Variants in ASTN2 observed in about 807,000 individuals in gnomAD.
ASTN2 encodes astrotactin 2.
A neutral mutation model predicts 139.8 loss-of-function variants in ASTN2; 54 were observed. The observed-to-expected ratio is 0.39, with a 90% CI of 0.31 to 0.48. The LOEUF is 0.48. ASTN2 is among the 20% of genes least tolerant of loss of function. ASTN2 has a pLI of 0.95. For missense variants in ASTN2, 1,565 were observed against 1,725.1 expected, an observed-to-expected ratio of 0.91 and a Z score of 1.64; for synonymous variants, 756 against 719.5, an observed-to-expected ratio of 1.05 and a Z score of -0.81.
intron 1 of ASTN2, among the ~76,000 whole-genome samples, chr9:117,353,014 T>C (rs1327051256): frequency 5.9e-5 from 9 of 152,240 alleles, no homozygotes; most frequent in African/African-American, 2.2e-4. Context: ...GGGAGGTGCA[T>C]GGAATGGGGA....
At chr9:116,854,560 G>A (rs992670395) in intron 11 of ASTN2, among the ~76,000 whole-genome samples, 5 of 152,084 alleles carry the variant, frequency 3.3e-5, no homozygotes, top group Non-Finnish European at 2.9e-5. Flanking sequence ...GGTAGTGGGA[G>A]CAGTGATTTA....
At chr9:117,201,524 T>C (rs1053927110) in intron 3 of ASTN2, among the ~76,000 whole-genome samples, 6 of 152,176 alleles carry the variant, frequency 3.9e-5, no homozygotes, top group Admixed American at 2.6e-4. Context: ...GTCCCAGAGA[T>C]TCTGGTATGT....
At chr9:117,157,808 C>G (rs912837317) in intron 3 of ASTN2, among the ~76,000 whole-genome samples, 2 of 151,904 alleles carry the variant, frequency 1.3e-5, no homozygotes, top group African/African-American at 2.4e-5. Context: ...GCTTAAATGC[C>G]AAGCTACACA....
At chr9:116,502,274 C>A (rs1222112192) in intron 19 of ASTN2, among the ~76,000 whole-genome samples, 1 of 151,210 alleles carries the variant, frequency 6.6e-6, no homozygotes, top group East Asian at 1.9e-4. Flanking sequence ...AAAACAAACA[C>A]AGAGAGGAGA....
At chr9:116,533,267 C>T (rs1851445326) in intron 19 of ASTN2, among the ~76,000 whole-genome samples, 1 of 152,302 alleles carries the variant, frequency 6.6e-6, no homozygotes, top group South Asian at 2.1e-4. Context: ...TGGGCTGAGA[C>T]AATGGGGTTT....
intron 17 of ASTN2, among the ~76,000 whole-genome samples, chr9:116,638,818 T>C (rs1351808571): frequency 6.6e-6 from 1 of 152,140 alleles, no homozygotes; most frequent in East Asian, 1.9e-4. Flanking sequence ...ACCAAAGATA[T>C]AAGACAATCC....
At chr9:117,204,094 G>A (rs1262816313) in intron 3 of ASTN2, among the ~76,000 whole-genome samples, 2 of 152,202 alleles carry the variant, frequency 1.3e-5, no homozygotes, top group Admixed American at 6.5e-5. Context: ...ACCCACTGAG[G>A]AAGGATGGGT....
chr9:116,661,287 ATC>A (rs1366709555), intron 16 of ASTN2, among the ~76,000 whole-genome samples: 13 of 152,288 alleles, frequency 8.5e-5, no homozygotes, highest in East Asian at 1.9e-4. Flanking sequence ...CTCTGGGGAA[ATC>A]TCTGTTCTGA....
intron 10 of ASTN2, among the ~76,000 whole-genome samples, chr9:116,866,035 C>T (rs1296702544): frequency 1.3e-5 from 2 of 152,150 alleles, no homozygotes; most frequent in African/African-American, 2.4e-5. Flanking sequence ...TCTGTTAATT[C>T]CCCCTACTAG....
At chr9:117,250,538 G>A (rs1482923022) in intron 2 of ASTN2, among the ~76,000 whole-genome samples, 1 of 152,070 alleles carries the variant, frequency 6.6e-6, no homozygotes, top group Non-Finnish European at 1.5e-5. Flanking sequence ...ATTTGATCTT[G>A]CCTTCTACCA....
rs1554764210 is a variant in ASTN2, at chr9:116,948,793, T to TTTTG, written c.1889+26414_1889+26415insCAAA. Among the ~76,000 whole-genome samples, 34 of 117,550 alleles carry TTTTG rather than the reference T, an allele frequency of 2.9e-4. 3 individuals are homozygous for TTTTG. Among genetic ancestry groups the TTTTG allele is most frequent in the African/African-American group, 1.2e-3 (33 of 27,970 alleles). The allele number at this position is 117,550 out of a possible 152,430, so 77.1% of individuals were successfully genotyped here. On this transcript the variant is annotated intron_variant, in intron 10 of 22. Transcript: ENST00000313400. ...GAGAGAAATAATTTGGTGTTTTTTTTTTTTTTTTTTTTTTTTTGAGAAGGA... is the reference window on the plus strand; with the variant it reads ...GAGAGAAATAATTTGGTGTTTTTTTTTTTGTTTTTTTTTTTTTTTTTGAGAAGGA...
At chr9:116,611,148 T>C (rs1034469366) in intron 19 of ASTN2, 7 of 152,228 alleles carry the variant, frequency 4.6e-5, no homozygotes, top group African/African-American at 7.2e-5. Flanking sequence ...AACTCCCAAA[T>C]ATTTGAAAAC....
At chr9:116,891,426 T>G (rs114707202) in intron 10 of ASTN2, among the ~76,000 whole-genome samples, 3,807 of 152,316 alleles carry the variant, frequency 0.025, 150 homozygotes, top group African/African-American at 0.084. Context: ...GTTTATCAAG[T>G]GTTTACTATG....
intron 16 of ASTN2, among the ~76,000 whole-genome samples, chr9:116,666,132 G>A (rs1858847937): frequency 6.6e-6 from 1 of 152,120 alleles, no homozygotes; most frequent in Admixed American, 6.5e-5. Flanking sequence ...CTAGGAGAAA[G>A]GCTAATGAGA....
intron 3 of ASTN2, chr9:117,180,896 C>T: frequency 1.3e-6 from 2 of 1,589,394 alleles, no homozygotes; most frequent in East Asian, 4.5e-5. Context: ...CTGCGCAGGG[C>T]CTCAATTACA....
chr9:116,596,400 A>G (rs1460364320), intron 19 of ASTN2, among the ~76,000 whole-genome samples: 1 of 152,174 alleles, frequency 6.6e-6, no homozygotes, highest in African/African-American at 2.4e-5. Flanking sequence ...GTGTGCTTTA[A>G]AATGTGTTAA....
chr9:116,480,774 G>C (rs912266113), intron 20 of ASTN2, among the ~76,000 whole-genome samples: 10 of 152,294 alleles, frequency 6.6e-5, no homozygotes, highest in Non-Finnish European at 1.2e-4. Flanking sequence ...TAGAGGCAAA[G>C]ACCTTGAGGA....
intron 2 of ASTN2, among the ~76,000 whole-genome samples, chr9:117,216,088 C>A (rs1045132232): frequency 1.3e-5 from 2 of 152,180 alleles, no homozygotes; most frequent in African/African-American, 2.4e-5. Flanking sequence ...AGGACAAATT[C>A]TGACAACTAT....
chr9:117,105,185 G>A (rs1034625999), intron 4 of ASTN2, among the ~76,000 whole-genome samples: 3 of 152,098 alleles, frequency 2.0e-5, no homozygotes, highest in South Asian at 2.1e-4. Context: ...CCTTAGGAAC[G>A]TAACTCTAAT....
Sources: allele counts gnomAD v4.1 joint callset (sites outside exome capture counted in the v4.1 genomes callset), GRCh38; gene constraint gnomAD v4.1.1; transcripts MANE v1.5; gene names NCBI Gene and HGNC (gene_info 2026-07-23, HGNC 2026-07-21).